Variants in CBLB observed in about 807,000 individuals in gnomAD.
CBLB encodes Cbl proto-oncogene B.
A neutral mutation model predicts 104.9 loss-of-function variants in CBLB; 31 were observed. That is an observed-to-expected ratio of 0.30 (90% CI 0.22 to 0.40). The LOEUF (loss-of-function observed/expected upper bound fraction) is 0.40, where lower values mean the gene tolerates loss of function less well. Ranked by LOEUF, CBLB falls within the 10% of genes least tolerant of loss-of-function variation. The pLI is 1.00. For missense variants in CBLB, 1,062 were observed against 1,214.6 expected (o/e 0.87, Z 1.87); for synonymous variants, 440 against 422.6 (o/e 1.04, Z -0.51).
chr3:105,837,193 T>C (rs918989340), intron 3 of CBLB, among the ~76,000 whole-genome samples: 3 of 152,248 alleles, frequency 2.0e-5, no homozygotes, highest in African/African-American at 7.2e-5. Context: ...AAAAACATTG[T>C]GCACGCGTAT....
At position 105,702,476 on chromosome 3, in the gene CBLB, G is replaced by GGAA; in HGVS notation, c.1594-18_1594-17insTTC. ...AGGAGAAGACTAAAGAAACAGAAGA[G>GGAA]AAAAAAAAAAAAAAAAAAAAAAACT... is the stretch of plus-strand genomic sequence containing the variant. On this transcript the variant is annotated splice_polypyrimidine_tract_variant and intron_variant, in intron 11 of 18. Transcript: ENST00000394030. 2.5e-5 allele frequency: 7 copies of GGAA among 277,060 alleles called. No homozygotes were observed. The highest frequency in any genetic ancestry group is 3.7e-5 in the Non-Finnish European group (7 of 190,574). The allele number at this position is 277,060 out of a possible 1,614,324, so 17.2% of individuals were successfully genotyped here.
chr3:105,664,901 A>C (rs954798802), intron 18 of CBLB, among the ~76,000 whole-genome samples: 23 of 152,106 alleles, frequency 1.5e-4, no homozygotes, highest in African/African-American at 4.3e-4. Flanking sequence ...ACATCTCCAA[A>C]CTCAGTCTGG....
At chr3:105,759,757 T>A (rs538870750) in intron 4 of CBLB, among the ~76,000 whole-genome samples, 1 of 152,154 alleles carries the variant, frequency 6.6e-6, no homozygotes, top group Non-Finnish European at 1.5e-5. Flanking sequence ...GTAGGGGGAC[T>A]TCCTGGGCCC....
intron 9 of CBLB, among the ~76,000 whole-genome samples, chr3:105,722,221 A>G (rs2072979015): frequency 6.6e-6 from 1 of 150,936 alleles, no homozygotes; most frequent in East Asian, 1.9e-4. Context: ...AAAAAAAAGA[A>G]AAGAAAAGAA....
chr3:105,735,859 C>G (rs1055577816), intron 8 of CBLB, among the ~76,000 whole-genome samples: 1 of 152,020 alleles, frequency 6.6e-6, no homozygotes, highest in Non-Finnish European at 1.5e-5. Context: ...GGCAAGAGAA[C>G]AGCTCGAACC....
intron 3 of CBLB, among the ~76,000 whole-genome samples, chr3:105,780,285 C>A (rs890186414): frequency 1.3e-5 from 2 of 152,096 alleles, no homozygotes; most frequent in Non-Finnish European, 2.9e-5. Flanking sequence ...GGAATTTTTT[C>A]TATTACGTAA....
chr3:105,777,486 G>T (rs1254429645), intron 3 of CBLB, among the ~76,000 whole-genome samples: 1 of 152,154 alleles, frequency 6.6e-6, no homozygotes, highest in African/African-American at 2.4e-5. Context: ...AAATAAGCAG[G>T]GCGTGGGAGC....
At chr3:105,672,065 T>C (rs1413759276) in intron 17 of CBLB, 4 of 193,724 alleles carry the variant, frequency 2.1e-5, no homozygotes, top group African/African-American at 6.9e-5. Context: ...AGACTCTAAA[T>C]GCCCCTGATA....
intron 3 of CBLB, among the ~76,000 whole-genome samples, chr3:105,799,242 A>C (rs2153011719): frequency 6.6e-6 from 1 of 151,892 alleles, no homozygotes; most frequent in South Asian, 2.1e-4. Flanking sequence ...AAACATTAAG[A>C]GGGTATTATC....
intron 3 of CBLB, among the ~76,000 whole-genome samples, chr3:105,835,161 T>C (rs1294760204): frequency 6.6e-6 from 1 of 152,234 alleles, no homozygotes; most frequent in Non-Finnish European, 1.5e-5. Flanking sequence ...CGGCATGTAA[T>C]GTTACAAAGA....
At chr3:105,848,422 T>G (rs957887091) in intron 3 of CBLB, among the ~76,000 whole-genome samples, 1 of 152,092 alleles carries the variant, frequency 6.6e-6, no homozygotes, top group Non-Finnish European at 1.5e-5. Context: ...AACTAGGAAA[T>G]GTATTGAATG....
At chr3:105,864,822 C>G (rs546804597) in intron 2 of CBLB, among the ~76,000 whole-genome samples, 2 of 152,274 alleles carry the variant, frequency 1.3e-5, no homozygotes, top group African/African-American at 2.4e-5. Flanking sequence ...GATATTTCCC[C>G]TACAACCCAA....
At chr3:105,795,404 T>C (rs2082146604) in intron 3 of CBLB, among the ~76,000 whole-genome samples, 1 of 152,218 alleles carries the variant, frequency 6.6e-6, no homozygotes, top group Non-Finnish European at 1.5e-5. Flanking sequence ...AAGAAACAGA[T>C]ACTTAGTTAG....
chr3:105,868,688 G>C, intron 1 of CBLB, 48 bp downstream of exon 1: 1 of 998,246 alleles, frequency 1.0e-6, no homozygotes, highest in Non-Finnish European at 1.2e-6. Context: ...CGGGCCCCCG[G>C]GCCGGCAAGA....
upstream of CBLB, chr3:105,869,154 C>T (rs1374726019): frequency 3.2e-6 from 2 of 630,286 alleles, no homozygotes; most frequent in African/African-American, 2.0e-5. Flanking sequence ...CGCCCGTCCT[C>T]CTCGCGCTGC....
intron 3 of CBLB, among the ~76,000 whole-genome samples, chr3:105,778,450 G>A (rs2079748242): frequency 6.6e-6 from 1 of 151,974 alleles, no homozygotes. Context: ...TCCTGTATAA[G>A]ATGAATACAG....
Position 105,656,285 on chromosome 3 carries a change from T to TA in CBLB, c.*2684dup, listed in dbSNP as rs3215309. 13 of 208,386 alleles carry TA rather than the reference T, an allele frequency of 6.2e-5. No homozygotes were observed. The highest frequency in any genetic ancestry group is 1.8e-4 in the Admixed American group (3 of 16,824). The allele number at this position is 208,386 out of a possible 1,614,324, so 12.9% of individuals were successfully genotyped here. On this transcript the variant is annotated 3_prime_UTR_variant, in exon 19 of 19. Coordinates refer to ENST00000394030, the MANE Select transcript of CBLB (RefSeq NM_170662.5). ...TTATGTATTATATGAAATGCTGACT[T>TA]AAAAAAAAATTGTTACCAAATCTTG...
intron 5 of CBLB, among the ~76,000 whole-genome samples, chr3:105,750,542 C>A (rs1043058213): frequency 6.6e-6 from 1 of 152,090 alleles, no homozygotes; most frequent in Non-Finnish European, 1.5e-5. Context: ...ATTTATGTTA[C>A]CAAATCATAA....
At chr3:105,798,774 A>C (rs959693354) in intron 3 of CBLB, among the ~76,000 whole-genome samples, 1 of 152,150 alleles carries the variant, frequency 6.6e-6, no homozygotes, top group Non-Finnish European at 1.5e-5. Context: ...ACATGCATTT[A>C]TGCAAACACA....
Sources: allele counts gnomAD v4.1 joint callset (sites outside exome capture counted in the v4.1 genomes callset), GRCh38; gene constraint gnomAD v4.1.1; transcripts MANE v1.5; gene names NCBI Gene and HGNC (gene_info 2026-07-23, HGNC 2026-07-21).